The following MARCHF1 variants were observed in gnomAD, a reference collection of about 807,000 sequenced individuals.
MARCHF1 encodes E3 ubiquitin-protein ligase MARCHF1.
A neutral mutation model predicts 54.2 loss-of-function variants in MARCHF1; 40 were observed. The observed-to-expected ratio is 0.74, with a 90% CI of 0.57 to 0.96. The LOEUF (loss-of-function observed/expected upper bound fraction) is 0.96. Ranked by LOEUF, MARCHF1 falls within the 40% of genes least tolerant of loss-of-function variation. The pLI is 0.00. For missense variants in MARCHF1, 586 were observed against 656.5 expected, an observed-to-expected ratio of 0.89 and a Z score of 1.17; for synonymous variants, 236 against 236.3, an observed-to-expected ratio of 1.00 and a Z score of 0.01.
intron 1 of MARCHF1, among the ~76,000 whole-genome samples, chr4:164,220,840 T>A (rs1732090970): frequency 6.6e-6 from 1 of 150,612 alleles, no homozygotes; most frequent in Admixed American, 6.7e-5. Flanking sequence ...TTGTCATTCC[T>A]ACACATCAGT....
chr4:163,886,039 G>C (rs1353395742), intron 3 of MARCHF1, among the ~76,000 whole-genome samples: 1 of 147,824 alleles, frequency 6.8e-6, no homozygotes, highest in African/African-American at 2.5e-5. Flanking sequence ...AAATAGCCTG[G>C]TATGATAGTG....
chr4:164,041,244 T>C (rs1271942328), intron 2 of MARCHF1, among the ~76,000 whole-genome samples: 1 of 152,144 alleles, frequency 6.6e-6, no homozygotes, highest in African/African-American at 2.4e-5. Context: ...TATTTAGCTA[T>C]GGAGCTGAGA....
intron 5 of MARCHF1, among the ~76,000 whole-genome samples, chr4:163,661,052 G>A (rs966005175): frequency 2.2e-4 from 34 of 151,914 alleles, no homozygotes; most frequent in African/African-American, 8.0e-4. Flanking sequence ...TTAATTGGAT[G>A]CTGTTTATTG....
intron 3 of MARCHF1, among the ~76,000 whole-genome samples, chr4:163,940,529 T>C (rs2110748455): frequency 6.6e-6 from 1 of 152,194 alleles, no homozygotes; most frequent in Admixed American, 6.5e-5. Context: ...GTGTTTCATA[T>C]GTGTTTCCTC....
At chr4:164,002,605 C>T (rs2110920801) in intron 2 of MARCHF1, among the ~76,000 whole-genome samples, 2 of 151,008 alleles carry the variant, frequency 1.3e-5, no homozygotes, top group East Asian at 1.9e-4. Flanking sequence ...AACTGGAGTA[C>T]AAGAAGTAGA....
chr4:163,925,016 T>G (rs1490805174), intron 3 of MARCHF1, among the ~76,000 whole-genome samples: 6 of 151,760 alleles, frequency 4.0e-5, no homozygotes, highest in Non-Finnish European at 8.9e-5. Flanking sequence ...TTAAAATAGA[T>G]TTTTAATGTC....
chr4:164,105,951 C>T (rs1193199509), intron 2 of MARCHF1, among the ~76,000 whole-genome samples: 117 of 146,310 alleles, frequency 8.0e-4, no homozygotes, highest in African/African-American at 1.1e-3. Flanking sequence ...AAAAAGTGGG[C>T]GAAGGACATG....
chr4:163,957,386 G>A (rs1004377285), intron 3 of MARCHF1, among the ~76,000 whole-genome samples: 2 of 152,026 alleles, frequency 1.3e-5, no homozygotes, highest in Non-Finnish European at 2.9e-5. Context: ...ATGGCCTTGT[G>A]TTGCTCAGGA....
At chr4:163,965,797 G>T (rs1464136092) in intron 3 of MARCHF1, among the ~76,000 whole-genome samples, 1 of 152,006 alleles carries the variant, frequency 6.6e-6, no homozygotes, top group Non-Finnish European at 1.5e-5. Context: ...CACATAATGT[G>T]CATGCTTTGC....
chr4:164,312,543 C>G (rs989397788), intron 1 of MARCHF1, among the ~76,000 whole-genome samples: 3 of 151,808 alleles, frequency 2.0e-5, no homozygotes, highest in African/African-American at 7.3e-5. Context: ...AGGATGGTCT[C>G]GATCTCCTGA....
chr4:164,366,734 C>A (rs80277770), intron 1 of MARCHF1, among the ~76,000 whole-genome samples: 12,283 of 151,694 alleles, frequency 0.081, 1,074 homozygotes, highest in East Asian at 0.29. Context: ...TATGTTTCAG[C>A]ATATTAAATT....
At chr4:163,834,869 A>C (rs1218343556) in intron 4 of MARCHF1, among the ~76,000 whole-genome samples, 1 of 151,868 alleles carries the variant, frequency 6.6e-6, no homozygotes, top group Non-Finnish European at 1.5e-5. Context: ...GCACATAATT[A>C]TTTATTTAAT....
At chr4:164,175,822 T>G (rs1271928847) in intron 1 of MARCHF1, among the ~76,000 whole-genome samples, 1 of 152,154 alleles carries the variant, frequency 6.6e-6, no homozygotes. Flanking sequence ...GCCAATTCCT[T>G]ACAATCTTTC....
chr4:164,071,085 T>G (rs1754854049), intron 2 of MARCHF1, among the ~76,000 whole-genome samples: 1 of 152,342 alleles, frequency 6.6e-6, no homozygotes, highest in East Asian at 1.9e-4. Flanking sequence ...AACCTTTTTT[T>G]GTTCCCAGTT....
intron 1 of MARCHF1, among the ~76,000 whole-genome samples, chr4:164,318,982 A>G (rs1735069617): frequency 6.6e-6 from 1 of 152,198 alleles, no homozygotes; most frequent in Non-Finnish European, 1.5e-5. Flanking sequence ...GACATTATAA[A>G]ATACAGAGTT....
chr4:164,319,857 AT>A (rs980859497), intron 1 of MARCHF1, among the ~76,000 whole-genome samples: 37 of 152,294 alleles, frequency 2.4e-4, no homozygotes, highest in African/African-American at 8.2e-4. Flanking sequence ...AAATGTATGC[AT>A]AGTTTTAAAA....
At chr4:163,718,681 C>T (rs902890860) in intron 4 of MARCHF1, among the ~76,000 whole-genome samples, 1 of 152,040 alleles carries the variant, frequency 6.6e-6, no homozygotes, top group Non-Finnish European at 1.5e-5. Context: ...GGTTAACAAG[C>T]CTTTTTTTTC....
At chr4:163,922,376 A>C (rs1235810255) in intron 3 of MARCHF1, among the ~76,000 whole-genome samples, 1 of 152,138 alleles carries the variant, frequency 6.6e-6, no homozygotes, top group Non-Finnish European at 1.5e-5. Context: ...TAATAAAAAA[A>C]TCAATATCGT....
chr4:163,708,904 C>A (rs934250202), intron 4 of MARCHF1, among the ~76,000 whole-genome samples: 9 of 152,012 alleles, frequency 5.9e-5, no homozygotes, highest in African/African-American at 2.2e-4. Context: ...GTATGATGTG[C>A]ATACAGAAAT....
Sources: gnomAD v4.1 joint callset for allele counts (sites outside exome capture counted in the v4.1 genomes callset) on GRCh38, gnomAD v4.1.1 for gene constraint, MANE v1.5 for transcripts, NCBI Gene and HGNC (gene_info 2026-07-23, HGNC 2026-07-21) for gene names.